The following BCL7C variants were observed in gnomAD, a reference collection of about 807,000 sequenced individuals.
BCL7C encodes the protein B-cell CLL/lymphoma 7 protein family member C.
In BCL7C, 8 loss-of-function variants were observed where a neutral mutation model predicts 26.2. The ratio of observed to expected loss-of-function variants is 0.30; its 90% CI spans 0.18 to 0.55. The LOEUF (loss-of-function observed/expected upper bound fraction) is 0.55, where lower values mean the gene tolerates loss of function less well. Ranked by LOEUF, BCL7C falls within the 20% of genes least tolerant of loss-of-function variation. BCL7C has a pLI of 0.93. For missense variants in BCL7C, 262 were observed against 298.5 expected (o/e 0.88, Z 0.90); for synonymous variants, 90 against 116.5 (o/e 0.77, Z 1.47).
intron 5 of BCL7C, chr16:30,876,051 C>G (rs1344270091): frequency 6.6e-6 from 1 of 152,398 alleles, no homozygotes; most frequent in Non-Finnish European, 1.5e-5. Context: ...CCTGGAGGAA[C>G]AAAGGAGGGC....
At chr16:30,850,586 T>C (rs2054667044) in intron 5 of BCL7C, among the ~76,000 whole-genome samples, 1 of 152,196 alleles carries the variant, frequency 6.6e-6, no homozygotes. Context: ...TCCTGAATAC[T>C]GTAGGTGATA....
intron 5 of BCL7C, among the ~76,000 whole-genome samples, chr16:30,880,825 A>C (rs1337998603): frequency 6.6e-6 from 1 of 151,932 alleles, no homozygotes; most frequent in Non-Finnish European, 1.5e-5. Context: ...CAGCCTCCCA[A>C]GTAGCTGGAA....
rs144291224 is a variant in BCL7C, at chr16:30,855,785, G to T, written c.529-20637C>A. Among the ~76,000 whole-genome samples the T allele has an allele frequency of 3.9e-4, 60 of 152,190 alleles. 1 individual carries two copies. The highest frequency in any genetic ancestry group is 1.4e-3 in the African/African-American group (60 of 41,540). On this transcript the variant is annotated intron_variant, in intron 5 of 5. Transcript: ENST00000380317. ...ATTTAAAAAGAAAAGAAAGGGCTGG[G>T]CGTGGTGGCTCATGCCTGTAATCCC... is the stretch of plus-strand genomic sequence containing the variant.
chr16:30,869,787 A>T (rs1178405215), intron 5 of BCL7C, among the ~76,000 whole-genome samples: 2 of 152,172 alleles, frequency 1.3e-5, no homozygotes, highest in Non-Finnish European at 2.9e-5. Flanking sequence ...TGCTGGGGTT[A>T]CAGGCATGAG....
chr16:30,891,461 GAAAAGA>G (rs1313813924), intron 4 of BCL7C, among the ~76,000 whole-genome samples: 2 of 152,018 alleles, frequency 1.3e-5, no homozygotes, highest in Non-Finnish European at 2.9e-5. Context: ...CTCTCTCAAA[GAAAAGA>G]AAAAGAGAAA....
chr16:30,886,372 G>C (rs918968769), downstream of BCL7C, among the ~76,000 whole-genome samples: 1 of 152,254 alleles, frequency 6.6e-6, no homozygotes, highest in Middle Eastern at 3.4e-3. Context: ...CCTGCCTAGA[G>C]CCACTCAGGG....
chr16:30,852,490 T>G (rs1271285476), intron 5 of BCL7C, among the ~76,000 whole-genome samples: 4 of 133,654 alleles, frequency 3.0e-5, no homozygotes, highest in African/African-American at 1.2e-4. Flanking sequence ...ACTTTATAAC[T>G]TTTTTTTTTT....
At chr16:30,891,923 C>G (rs1468755009) in intron 4 of BCL7C, among the ~76,000 whole-genome samples, 1 of 148,746 alleles carries the variant, frequency 6.7e-6, no homozygotes, top group Non-Finnish European at 1.5e-5. Context: ...ATGATTGCAC[C>G]AGAGTACTCC....
At chr16:30,884,198 T>G (rs998432608), downstream of BCL7C, among the ~76,000 whole-genome samples, 1 of 150,110 alleles carries the variant, frequency 6.7e-6, no homozygotes, top group African/African-American at 2.5e-5. Context: ...ATCAGGACAG[T>G]TTCCTAGGCC....
chr16:30,878,529 A>G (rs528722305), intron 5 of BCL7C, among the ~76,000 whole-genome samples: 20 of 142,596 alleles, frequency 1.4e-4, no homozygotes, highest in Admixed American at 1.2e-3. Context: ...ACAGAGCGAG[A>G]CTCTATTTCA....
intron 5 of BCL7C, among the ~76,000 whole-genome samples, chr16:30,853,401 G>A (rs1360056806): frequency 6.6e-6 from 1 of 152,082 alleles, no homozygotes; most frequent in African/African-American, 2.4e-5. Flanking sequence ...AAGGTCTTCA[G>A]AGGCAATAAC....
chr16:30,837,999 C>T (rs928745471), intron 5 of BCL7C, among the ~76,000 whole-genome samples: 2 of 152,248 alleles, frequency 1.3e-5, no homozygotes, highest in African/African-American at 4.8e-5. Flanking sequence ...TCCCTTCAGG[C>T]TATTTTCATG....
chr16:30,885,298 C>T (rs142778160), downstream of BCL7C, among the ~76,000 whole-genome samples: 815 of 152,206 alleles, frequency 5.4e-3, 5 homozygotes, highest in Non-Finnish European at 7.7e-3. Context: ...CCGGAAAAGG[C>T]AAAGAAAGAG....
chr16:30,864,191 T>C (rs1265678380), intron 5 of BCL7C, among the ~76,000 whole-genome samples: 4 of 152,136 alleles, frequency 2.6e-5, no homozygotes, highest in African/African-American at 4.8e-5. Flanking sequence ...AGTGTTGTTT[T>C]TTCCTAAATC....
rs751856538 is a variant in BCL7C at position 30,879,702 on chromosome 16, A to AAAAAAAAAAAAAAAAAAAAAC, written c.528+9157_528+9158insGTTTTTTTTTTTTTTTTTTTT. Among the ~76,000 whole-genome samples the AAAAAAAAAAAAAAAAAAAAAC allele has an allele frequency of 3.1e-4, 45 of 145,442 alleles. 1 individual carries two copies. The highest frequency in any genetic ancestry group is 6.4e-4 in the Non-Finnish European group (42 of 65,770). On this transcript the variant is annotated intron_variant, in intron 5 of 5. Coordinates refer to the BCL7C transcript ENST00000380317. ...TCCCCTTCTCTACAAAAAAAAAAAA[A>AAAAAAAAAAAAAAAAAAAAAC]AAAAAAACTGGGCACGGTGGCTCAC...
At chr16:30,866,030 C>T (rs118176746) in intron 5 of BCL7C, among the ~76,000 whole-genome samples, 9,542 of 151,938 alleles carry the variant, frequency 0.063, 410 homozygotes, top group Non-Finnish European at 0.094. Flanking sequence ...CCACCTCGCC[C>T]GGCCATATGG....
At chr16:30,873,192 G>C (rs2054895901) in intron 5 of BCL7C, among the ~76,000 whole-genome samples, 1 of 151,614 alleles carries the variant, frequency 6.6e-6, no homozygotes, top group South Asian at 2.1e-4. Context: ...TTCAGTTCTA[G>C]CTGGCTATGA....
Position 30,892,902 on chromosome 16 carries a change from TC to T in BCL7C, c.217del (p.Glu73AsnfsTer80). Reference protein sequence around the residue: ...GGGAERSRGRERRGRGASPRG... With the variant: ...GGGAERSRGRXRRGRGASPRG... ...GGGACTGGCGCCCCTGCCCCGACGT[TC>T]CCGGCCACGGGATCTCTCTGCCCCG... On this transcript the variant is annotated frameshift_variant, in exon 3 of 6. Transcript: ENST00000215115. LOFTEE classifies it high-confidence loss of function. 6.2e-7 allele frequency: 1 copy of T among 1,613,024 alleles called. No individual in the cohort carries two copies. The highest frequency in any genetic ancestry group is 8.5e-7 in the Non-Finnish European group (1 of 1,179,958).
chr16:30,880,164 A>C (rs1345353996), intron 5 of BCL7C, among the ~76,000 whole-genome samples: 4 of 151,624 alleles, frequency 2.6e-5, no homozygotes, highest in Non-Finnish European at 5.9e-5. Context: ...GAGGACAGAC[A>C]TTGTGGCATC....
Sources: gnomAD v4.1 joint callset for allele counts (sites outside exome capture counted in the v4.1 genomes callset) on GRCh38, gnomAD v4.1.1 for gene constraint, MANE v1.5 for transcripts, NCBI Gene and HGNC (gene_info 2026-07-23, HGNC 2026-07-21) for gene names.